The following CSMD2 variants were observed in gnomAD, a reference collection of about 807,000 sequenced individuals.
CSMD2 encodes the protein CUB and sushi domain-containing protein 2.
A neutral mutation model predicts 398.5 loss-of-function variants in CSMD2; 130 were observed. That is an observed-to-expected ratio of 0.33 (90% CI 0.28 to 0.38). The LOEUF is 0.38. CSMD2 is among the 10% of genes least tolerant of loss of function. The pLI is 1.00. For missense variants in CSMD2, 3,829 were observed against 4,764.9 expected (o/e 0.80, Z 5.78); for synonymous variants, 1,828 against 1,908.5 (o/e 0.96, Z 1.10).
intron 66 of CSMD2, among the ~76,000 whole-genome samples, chr1:33,523,781 G>A (rs1420401301): frequency 1.3e-5 from 2 of 152,210 alleles, no homozygotes; most frequent in Non-Finnish European, 2.9e-5. Context: ...GGGCATGGGA[G>A]CATGTGAACA....
intron 27 of CSMD2, among the ~76,000 whole-genome samples, chr1:33,656,741 CTG>C (rs1643959212): frequency 6.6e-6 from 1 of 152,118 alleles, no homozygotes; most frequent in East Asian, 1.9e-4. Context: ...TATCCTAGCT[CTG>C]TGATTTGGGA....
chr1:34,110,519 A>G (rs1186912476), intron 1 of CSMD2, among the ~76,000 whole-genome samples: 1 of 152,230 alleles, frequency 6.6e-6, no homozygotes, highest in African/African-American at 2.4e-5. Context: ...GCCATAAAAA[A>G]AAAACCAAGA....
At chr1:34,098,961 T>C (rs1558385123) in intron 1 of CSMD2, among the ~76,000 whole-genome samples, 1 of 152,096 alleles carries the variant, frequency 6.6e-6, no homozygotes, top group Non-Finnish European at 1.5e-5. Flanking sequence ...AAAAGTAATA[T>C]GGTGAATATA....
At chr1:33,576,032 C>A (rs1660037930) in intron 49 of CSMD2, among the ~76,000 whole-genome samples, 1 of 152,108 alleles carries the variant, frequency 6.6e-6, no homozygotes, top group Non-Finnish European at 1.5e-5. Flanking sequence ...AAAGACAGTT[C>A]TCACATGCTG....
chr1:33,634,864 C>A (rs1466493372), intron 31 of CSMD2, among the ~76,000 whole-genome samples: 2 of 152,158 alleles, frequency 1.3e-5, no homozygotes, highest in Non-Finnish European at 2.9e-5. Flanking sequence ...CTTGGCCACT[C>A]ACCCTGGGTT....
At chr1:34,050,863 T>C (rs1653091220) in intron 2 of CSMD2, among the ~76,000 whole-genome samples, 1 of 152,102 alleles carries the variant, frequency 6.6e-6, no homozygotes, top group South Asian at 2.1e-4. Context: ...AAATTAATGC[T>C]ATGCTAGCCC....
chr1:33,810,863 G>T lies in CSMD2; in HGVS notation c.1326C>A (p.Ala442=). The T allele has an allele frequency of 6.2e-7, 1 of 1,610,450 alleles. No individual in the cohort carries two copies. Among genetic ancestry groups the T allele is most frequent in the Admixed American group, 1.7e-5 (1 of 59,498 alleles). Residue 442 remains alanine, a splice_region_variant and synonymous_variant, in exon 10 of 71, where the codon GCC becomes GCA. Coordinates refer to ENST00000373381, the MANE Select transcript of CSMD2 (RefSeq NM_001281956.2). ...AWSDHRPVCR[A]RMCDAHLRGP... is the part of the protein sequence containing the mutation. ...CTCGAAGGTGGGCATCACACATGCG[G>T]GCTGCAGAGGAGATGAAAGACAAGC...
intron 13 of CSMD2, among the ~76,000 whole-genome samples, chr1:33,751,532 C>A (rs914264275): frequency 1.3e-5 from 2 of 152,116 alleles, no homozygotes; most frequent in Admixed American, 1.3e-4. Flanking sequence ...ATGAACACAG[C>A]AAGGGTACAT....
chr1:33,740,699 T>C (rs931356022), intron 14 of CSMD2, among the ~76,000 whole-genome samples: 3 of 152,180 alleles, frequency 2.0e-5, no homozygotes, highest in African/African-American at 7.2e-5. Flanking sequence ...CCCTGACATT[T>C]AGAAATATGG....
intron 3 of CSMD2, among the ~76,000 whole-genome samples, chr1:34,011,091 A>G (rs1166140177): frequency 6.6e-6 from 1 of 151,978 alleles, no homozygotes. Context: ...ACCCCTTCAC[A>G]GCCTTGGTCA....
chr1:34,104,041 T>G (rs1253902497), intron 1 of CSMD2, among the ~76,000 whole-genome samples: 6 of 152,200 alleles, frequency 3.9e-5, no homozygotes, highest in African/African-American at 1.4e-4. Context: ...ATCTGCTGAG[T>G]TGCTAAATGT....
intron 1 of CSMD2, among the ~76,000 whole-genome samples, chr1:34,162,073 G>A (rs963126959): frequency 2.0e-5 from 3 of 151,372 alleles, no homozygotes; most frequent in Non-Finnish European, 4.4e-5. Context: ...TCAGGAGGCT[G>A]AGGCAGGAGA....
At chr1:34,121,063 T>TTG (rs1483747932) in intron 1 of CSMD2, among the ~76,000 whole-genome samples, 5 of 152,222 alleles carry the variant, frequency 3.3e-5, no homozygotes, top group African/African-American at 9.6e-5. Flanking sequence ...TCTTTCTTTC[T>TTG]TGTGTATTAC....
At chr1:33,768,663 TCCCA>T (rs1569833784) in intron 13 of CSMD2, among the ~76,000 whole-genome samples, 1 of 151,466 alleles carries the variant, frequency 6.6e-6, no homozygotes, top group East Asian at 1.9e-4. Context: ...TAGGGCCATT[TCCCA>T]CAGCATCTCT....
chr1:33,997,678 C>CT (rs771176604), intron 3 of CSMD2, among the ~76,000 whole-genome samples: 21 of 151,992 alleles, frequency 1.4e-4, no homozygotes, highest in South Asian at 2.1e-4. Context: ...TAATAAAAAT[C>CT]TTTTTTTTGT....
At chr1:34,139,870 T>C (rs1195247822) in intron 1 of CSMD2, among the ~76,000 whole-genome samples, 1 of 152,188 alleles carries the variant, frequency 6.6e-6, no homozygotes, top group African/African-American at 2.4e-5. Context: ...GTGAGATTCA[T>C]GGGTAAAGTG....
chr1:33,932,027 C>T lies in CSMD2; in HGVS notation c.712+3733G>A, dbSNP rs143620514. 1.3e-3 allele frequency among the ~76,000 whole-genome samples: 193 copies of T among 152,018 alleles called. 2 individuals carry two copies. In the East Asian group the frequency reaches 0.035, roughly 28 times the overall value. ...GGCTGGTGCAGAGGGACATGGGGGC[C>T]GATGATGCGATGTGAACAGCAAGAA... is the stretch of plus-strand genomic sequence containing the variant. On this transcript the variant is annotated intron_variant, in intron 4 of 70. Coordinates refer to ENST00000373381, the MANE Select transcript of CSMD2 (RefSeq NM_001281956.2).
At chr1:33,652,949 G>T (rs903064530) in intron 27 of CSMD2, among the ~76,000 whole-genome samples, 7 of 152,118 alleles carry the variant, frequency 4.6e-5, no homozygotes, top group African/African-American at 1.4e-4. Flanking sequence ...AGTAGATACA[G>T]GGTTTCACTG....
chr1:33,523,171 G>T (rs748417459), intron 67 of CSMD2, 136 bp downstream of exon 67: 8 of 558,400 alleles, frequency 1.4e-5, no homozygotes, highest in Non-Finnish European at 2.6e-5. Context: ...TCCTCTTGCT[G>T]CTCCTAGGCA....
Sources: allele counts gnomAD v4.1 joint callset (sites outside exome capture counted in the v4.1 genomes callset), GRCh38; gene constraint gnomAD v4.1.1; transcripts MANE v1.5; gene names NCBI Gene and HGNC (gene_info 2026-07-23, HGNC 2026-07-21).